The following GALNT5 variants were observed in gnomAD, a reference collection of about 807,000 sequenced individuals.
GALNT5 encodes UDP-GalNAc:polypeptide N-acetylgalactosaminyltransferase 5.
GALNT5 carries 72 observed loss-of-function variants against 85.4 expected under a neutral mutation model. That is an observed-to-expected ratio of 0.84 (90% CI 0.70 to 1.03). The LOEUF (loss-of-function observed/expected upper bound fraction) is 1.03. Among genes scored for constraint, GALNT5 ranks in the 50% least tolerant of loss-of-function variants. GALNT5 has a pLI of 0.00. For synonymous variants in GALNT5, 404 were observed against 397.0 expected, an observed-to-expected ratio of 1.02 and a Z score of -0.21; for missense variants, 1,137 against 1,135.5, an observed-to-expected ratio of 1.00 and a Z score of -0.02.
intron 1 of GALNT5, among the ~76,000 whole-genome samples, chr2:157,278,906 T>C (rs528379460): frequency 6.6e-6 from 1 of 152,336 alleles, no homozygotes; most frequent in South Asian, 2.1e-4. Context: ...CTCTGGTTTT[T>C]AGGATTTTCA....
chr2:157,305,832 A>G lies in GALNT5; in HGVS notation c.2520+3A>G. On this transcript the variant is annotated splice_donor_region_variant and intron_variant, in intron 8 of 9. Coordinates refer to ENST00000259056, the MANE Select transcript of GALNT5 (RefSeq NM_014568.3). ...AAGACTGCGATGGGAGCAAAGAGGTATGCTAAACTGTTTTCTATCTCATGG... is the reference window on the plus strand; with the variant it reads ...AAGACTGCGATGGGAGCAAAGAGGTGTGCTAAACTGTTTTCTATCTCATGG... The G allele has an allele frequency of 6.4e-7, 1 of 1,557,594 alleles. No individual in the cohort carries two copies. The highest frequency in any genetic ancestry group is 1.1e-5 in the South Asian group (1 of 89,906).
At position 157,300,873 on chromosome 2, in the gene GALNT5, G is replaced by A. The variant is rs543821769; in HGVS notation, c.2313G>A (p.Gly771=). The change falls in exon 7 of 10, where the codon GGG becomes GGA. Residue 771 remains glycine, a synonymous_variant. Transcript: ENST00000259056. ...YGHGDHLIDQ[G]LDVGNLTQQR... ...ACGGAGACCACCTCATCGACCAAGG[G>A]CTAGATGTTGGCAACCTCACCCAGC... 1 of 1,614,030 alleles carries A rather than the reference G, an allele frequency of 6.2e-7. No individual in the cohort carries two copies. The highest frequency in any genetic ancestry group is 1.3e-5 in the African/African-American group (1 of 75,046).
chr2:157,294,232 C>A (rs1558900067), intron 3 of GALNT5, among the ~76,000 whole-genome samples: 1 of 152,196 alleles, frequency 6.6e-6, no homozygotes. Flanking sequence ...GGAGGCTGAA[C>A]AGGAGAAGGC....
chr2:157,262,201 A>C (rs536946511), intron 1 of GALNT5, among the ~76,000 whole-genome samples: 1 of 149,460 alleles, frequency 6.7e-6, no homozygotes, highest in Non-Finnish European at 1.5e-5. Context: ...AATGAACCAA[A>C]AAATGTAAAA....
At chr2:157,293,404 G>T (rs1683141382) in intron 3 of GALNT5, among the ~76,000 whole-genome samples, 1 of 152,090 alleles carries the variant, frequency 6.6e-6, no homozygotes, top group African/African-American at 2.4e-5. Context: ...TCCTACTTAA[G>T]AAGACTCCAC....
At chr2:157,285,232 G>A (rs1243538882) in intron 2 of GALNT5, among the ~76,000 whole-genome samples, 1 of 152,226 alleles carries the variant, frequency 6.6e-6, no homozygotes, top group African/African-American at 2.4e-5. Flanking sequence ...TCAAGAAGCT[G>A]TGGGATGATA....
chr2:157,310,836 C>T (rs1683553049), intron 9 of GALNT5, among the ~76,000 whole-genome samples: 1 of 152,072 alleles, frequency 6.6e-6, no homozygotes, highest in Non-Finnish European at 1.5e-5. Context: ...AATTAATTAA[C>T]TTTTTGTTAC....
chr2:157,294,128 C>G (rs1427383658), intron 3 of GALNT5, among the ~76,000 whole-genome samples: 2 of 152,178 alleles, frequency 1.3e-5, no homozygotes, highest in East Asian at 3.8e-4. Flanking sequence ...AAGAGCTGAG[C>G]TGAGCACCCA....
Position 157,294,694 on chromosome 2 carries a change from G to A in GALNT5, c.1742-969G>A, listed in dbSNP as rs114527813. On this transcript the variant is annotated intron_variant, in intron 3 of 9. Coordinates refer to ENST00000259056, the MANE Select transcript of GALNT5 (RefSeq NM_014568.3). Reference sequence around the variant, plus strand: ...AGTAGGTAGAGCCTTTGTATTACCTGTGGTTGGGCCTGAAAGATCACACAT... The same window carrying A: ...AGTAGGTAGAGCCTTTGTATTACCTATGGTTGGGCCTGAAAGATCACACAT... 2.6e-3 allele frequency among the ~76,000 whole-genome samples: 401 copies of A among 152,106 alleles called. 1 individual carries two copies. The highest frequency in any genetic ancestry group is 8.8e-3 in the African/African-American group (367 of 41,476).
At position 157,317,789 on chromosome 2, in the gene GALNT5, G is replaced by A. The variant is rs1248449035; in HGVS notation, c.*6441G>A. The stretch of plus-strand genomic sequence containing the variant: ...AGATCATCATTTGATTTTGTAGTTT[G>A]CCATGTTCTGAGTGAGTTCAGCTGC... On this transcript the variant is annotated 3_prime_UTR_variant, in exon 10 of 10. Transcript: ENST00000259056. Among the ~76,000 whole-genome samples the A allele has an allele frequency of 6.6e-6, 1 of 152,032 alleles. No individual in the cohort carries two copies. Among genetic ancestry groups the A allele is most frequent in the Non-Finnish European group, 1.5e-5 (1 of 67,982 alleles).
chr2:157,262,134 C>CCCAAA (rs1214257100), intron 1 of GALNT5, among the ~76,000 whole-genome samples: 32 of 150,338 alleles, frequency 2.1e-4, no homozygotes, highest in Middle Eastern at 6.9e-3. Flanking sequence ...CCCCAAAATC[C>CCCAAA]ACTGTTATAG....
chr2:157,280,755 G>C lies in GALNT5; in HGVS notation c.1455-3527G>C, dbSNP rs113378264. On this transcript the variant is annotated intron_variant, in intron 1 of 9. Transcript: ENST00000259056. ...AGGTGAGACTTGGTGGGAGGTACTG[G>C]ATCACGGAGGCAGATCTATAATGGA... Among the ~76,000 whole-genome samples, 687 of 152,286 alleles carry C rather than the reference G, an allele frequency of 4.5e-3. 10 individuals are homozygous for C. Among genetic ancestry groups the C allele is most frequent in the African/African-American group, 0.015 (635 of 41,548 alleles).
At position 157,317,220 on chromosome 2, in the gene GALNT5, T is replaced by C; in HGVS notation, c.*5872T>C. On this transcript the variant is annotated 3_prime_UTR_variant, in exon 10 of 10. Coordinates refer to ENST00000259056, the MANE Select transcript of GALNT5 (RefSeq NM_014568.3). ...TATATTTTTTTTTTTGATGCTTTGATCTGGAAGAAAGAAATATCAAGAGTT... is the reference window on the plus strand; with the variant it reads ...TATATTTTTTTTTTTGATGCTTTGACCTGGAAGAAAGAAATATCAAGAGTT... Among the ~76,000 whole-genome samples the C allele has an allele frequency of 6.7e-6, 1 of 148,458 alleles. No homozygotes were observed. Among genetic ancestry groups the C allele is most frequent in the East Asian group, 1.9e-4 (1 of 5,132 alleles).
Position 157,317,072 on chromosome 2 carries a change from C to T in GALNT5, c.*5724C>T, listed in dbSNP as rs1279901995. On this transcript the variant is annotated 3_prime_UTR_variant, in exon 10 of 10. Transcript: ENST00000259056. ...GGTCATAAGCATCTATATAATAAAC[C>T]CTTTATATTAGATGTTAAATTAAAA... is the stretch of plus-strand genomic sequence containing the variant. Among the ~76,000 whole-genome samples, 2 of 149,786 alleles carry T rather than the reference C, an allele frequency of 1.3e-5. No individual in the cohort carries two copies. Among genetic ancestry groups the T allele is most frequent in the Non-Finnish European group, 3.0e-5 (2 of 67,476 alleles).
intron 1 of GALNT5, 115 bp downstream of exon 1, chr2:157,259,651 A>ACATTAAT (rs1433203095): frequency 2.9e-6 from 2 of 695,088 alleles, no homozygotes; most frequent in African/African-American, 3.7e-5. Context: ...AATTAAAGAA[A>ACATTAAT]CATTAATCAT....
chr2:157,296,486 A>G lies in GALNT5; in HGVS notation c.1970A>G (p.Asn657Ser), dbSNP rs759367131. The G allele has an allele frequency of 6.2e-7, 1 of 1,610,394 alleles. No individual in the cohort carries two copies. The part of the protein sequence containing the change: ...RTIPPDVIAK[N>S]RIKETDTIRC... ...ATTCCTCCAGATGTCATTGCAAAAA[A>G]CAGAATTAAAGAAACTGATACAATA... Residue 657 changes from asparagine (N) to serine (S), a missense_variant, in exon 5 of 10, where the codon AAC becomes AGC. Physicochemically the swap from Asn to Ser is conservative, Grantham distance 46 (BLOSUM62 1). Coordinates refer to ENST00000259056, the MANE Select transcript of GALNT5 (RefSeq NM_014568.3).
chr2:157,314,734 C>G lies in GALNT5; in HGVS notation c.*3386C>G, dbSNP rs1310757348. Reference sequence around the variant, plus strand: ...ATTGAAACATGCCAGAGAGTACCATCTTTCTTTGTTTTAACATCTCTGATT... The same window carrying G: ...ATTGAAACATGCCAGAGAGTACCATGTTTCTTTGTTTTAACATCTCTGATT... On this transcript the variant is annotated 3_prime_UTR_variant, in exon 10 of 10. Transcript: ENST00000259056. Among the ~76,000 whole-genome samples, 2 of 152,132 alleles carry G rather than the reference C, an allele frequency of 1.3e-5. No individual in the cohort carries two copies. The highest frequency in any genetic ancestry group is 2.9e-5 in the Non-Finnish European group (2 of 68,020).
intron 1 of GALNT5, among the ~76,000 whole-genome samples, chr2:157,264,811 T>C (rs1465591850): frequency 2.6e-5 from 4 of 151,898 alleles, no homozygotes; most frequent in Non-Finnish European, 5.9e-5. Flanking sequence ...CTCCCAAACT[T>C]TGAGCTTCTA....
At chr2:157,274,499 C>T (rs1682673883) in intron 1 of GALNT5, among the ~76,000 whole-genome samples, 1 of 152,174 alleles carries the variant, frequency 6.6e-6, no homozygotes, top group African/African-American at 2.4e-5. Context: ...CTGTTGTTTC[C>T]TGACTTTTTA....
Sources: gnomAD v4.1 joint callset for allele counts (sites outside exome capture counted in the v4.1 genomes callset) on GRCh38, gnomAD v4.1.1 for gene constraint, MANE v1.5 for transcripts, NCBI Gene and HGNC (gene_info 2026-07-23, HGNC 2026-07-21) for gene names.